ASIP: variants seen among roughly 807,000 people sequenced by gnomAD.
ASIP encodes the protein agouti-signaling protein.
A neutral mutation model predicts 10.3 loss-of-function variants in ASIP; 11 were observed. The observed-to-expected ratio is 1.07, with a 90% CI of 0.68 to 1.78. The LOEUF (loss-of-function observed/expected upper bound fraction) is 1.78. Among genes scored for constraint, ASIP ranks in the 40% most tolerant of loss-of-function variants. ASIP has a pLI of 0.00. For missense variants in ASIP, 180 were observed against 169.2 expected, an observed-to-expected ratio of 1.06 and a Z score of -0.35; for synonymous variants, 70 against 70.8, an observed-to-expected ratio of 0.99 and a Z score of 0.06.
intron 1 of ASIP, among the ~76,000 whole-genome samples, chr20:34,242,961 C>A (rs1350916990): frequency 2.0e-5 from 3 of 152,230 alleles, no homozygotes; most frequent in Non-Finnish European, 4.4e-5. Context: ...CAATATAGTA[C>A]CCACTAAGGT....
chr20:34,238,647 A>G (rs1296233983), upstream of ASIP, among the ~76,000 whole-genome samples: 1 of 152,078 alleles, frequency 6.6e-6, no homozygotes, highest in African/African-American at 2.4e-5. Context: ...TAGGTCTGCC[A>G]TGAGGACTTT....
chr20:34,228,038 T>C (rs1038851872), intron 1 of ASIP, among the ~76,000 whole-genome samples: 3 of 152,116 alleles, frequency 2.0e-5, no homozygotes, highest in African/African-American at 7.2e-5. Flanking sequence ...CCATATGCAA[T>C]AAAATGAACT....
At chr20:34,214,762 T>G in intron 1 of ASIP, 1 of 1,358,246 alleles carries the variant, frequency 7.4e-7, no homozygotes, top group South Asian at 1.2e-5. Flanking sequence ...CACATTAGCT[T>G]TTTGCTGATC....
At chr20:34,249,239 T>C (rs974499558) in intron 1 of ASIP, among the ~76,000 whole-genome samples, 1 of 152,126 alleles carries the variant, frequency 6.6e-6, no homozygotes, top group Non-Finnish European at 1.5e-5. Context: ...GTGGCAGGGC[T>C]GGGACCAGAA....
At chr20:34,213,467 T>G in intron 1 of ASIP, 1 of 1,265,432 alleles carries the variant, frequency 7.9e-7, no homozygotes. Context: ...ACTGAGACAG[T>G]TTTGAAGTGA....
chr20:34,207,426 T>C (rs1001139986), intron 1 of ASIP, among the ~76,000 whole-genome samples: 2 of 152,272 alleles, frequency 1.3e-5, no homozygotes, highest in African/African-American at 2.4e-5. Flanking sequence ...ATTCTGGTTA[T>C]TAATCCCTTG....
intron 1 of ASIP, among the ~76,000 whole-genome samples, chr20:34,243,055 C>T (rs1480515540): frequency 2.0e-5 from 3 of 152,262 alleles, no homozygotes; most frequent in African/African-American, 7.2e-5. Context: ...CGCCTATCAG[C>T]ATTGTATTCC....
At chr20:34,243,402 G>A (rs566934354) in intron 1 of ASIP, among the ~76,000 whole-genome samples, 29 of 152,314 alleles carry the variant, frequency 1.9e-4, no homozygotes, top group Middle Eastern at 6.8e-3. Flanking sequence ...AAATCGGTAC[G>A]TGTATGTAGA....
chr20:34,236,226 G>C (rs2122593437), intron 1 of ASIP, among the ~76,000 whole-genome samples: 1 of 152,074 alleles, frequency 6.6e-6, no homozygotes, highest in East Asian at 1.9e-4. Flanking sequence ...GCTAGCTCTA[G>C]GTGGTTTAAA....
chr20:34,243,446 T>C (rs2035314830), intron 1 of ASIP, among the ~76,000 whole-genome samples: 1 of 151,906 alleles, frequency 6.6e-6, no homozygotes, highest in Non-Finnish European at 1.5e-5. Context: ...TTTAGTGTTG[T>C]TAAGAAAAAA....
At chr20:34,223,531 A>C (rs1324851232) in intron 1 of ASIP, among the ~76,000 whole-genome samples, 194 of 111,006 alleles carry the variant, frequency 1.7e-3, no homozygotes, top group African/African-American at 0.01. Context: ...CAGCCGTGCC[A>C]TCCGGGAGGG....
At chr20:34,216,440 T>C (rs1055484899) in intron 1 of ASIP, among the ~76,000 whole-genome samples, 30 of 152,224 alleles carry the variant, frequency 2.0e-4, no homozygotes, top group African/African-American at 7.2e-4. Context: ...AAAAATAAAT[T>C]TTCTTGAAGT....
chr20:34,251,438 T>C (rs1486536071), intron 1 of ASIP, among the ~76,000 whole-genome samples: 1 of 147,900 alleles, frequency 6.8e-6, no homozygotes, highest in Non-Finnish European at 1.5e-5. Context: ...GCCCGGCTGA[T>C]TTTTTTTTGT....
At chr20:34,193,363 C>A (rs2034836150), upstream of ASIP, among the ~76,000 whole-genome samples, 1 of 152,096 alleles carries the variant, frequency 6.6e-6, no homozygotes, top group Admixed American at 6.5e-5. Context: ...CATTCAGGAA[C>A]CAGGGGGTCC....
chr20:34,222,362 G>A lies in ASIP; in HGVS notation c.-11+27602G>A, dbSNP rs914809775. Among the ~76,000 whole-genome samples the A allele has an allele frequency of 2.6e-5, 4 of 151,944 alleles. No individual in the cohort carries two copies. The East Asian group carries it at 7.7e-4, about 29-fold the overall frequency. ...CAAATAAGTAGCCCAGGCCTTAGGT[G>A]TTTTCATTTGTGGTTTAGGGCTCCA... On this transcript the variant is annotated intron_variant, in intron 1 of 3. Coordinates refer to the ASIP transcript ENST00000568305.
At chr20:34,246,387 A>G (rs2035375682) in intron 1 of ASIP, 1 of 1,412,914 alleles carries the variant, frequency 7.1e-7, no homozygotes, top group Non-Finnish European at 9.8e-7. Flanking sequence ...CATTGTTTAC[A>G]ATGAGCAACA....
intron 1 of ASIP, among the ~76,000 whole-genome samples, chr20:34,253,194 C>T (rs1468352941): frequency 1.3e-5 from 2 of 151,664 alleles, no homozygotes; most frequent in African/African-American, 4.8e-5. Context: ...CAAGCTCTGC[C>T]TCTTGGGTTC....
At chr20:34,203,409 A>T (rs1015707747) in intron 1 of ASIP, among the ~76,000 whole-genome samples, 22 of 150,158 alleles carry the variant, frequency 1.5e-4, no homozygotes, top group African/African-American at 4.9e-4. Context: ...TTATATATAT[A>T]TTTTTTGAGA....
At chr20:34,235,371 C>T (rs1049010643) in intron 1 of ASIP, among the ~76,000 whole-genome samples, 4 of 152,018 alleles carry the variant, frequency 2.6e-5, no homozygotes, top group African/African-American at 7.3e-5. Flanking sequence ...AGCGGGGAGG[C>T]GGAGGTTGCA....
Sources: allele counts gnomAD v4.1 joint callset (sites outside exome capture counted in the v4.1 genomes callset), GRCh38; gene constraint gnomAD v4.1.1; transcripts MANE v1.5; gene names NCBI Gene and HGNC (gene_info 2026-07-23, HGNC 2026-07-21).